CNIH3: variants seen among roughly 807,000 people sequenced by gnomAD.
CNIH3 encodes the protein protein cornichon homolog 3.
CNIH3 carries 14 observed loss-of-function variants against 24.1 expected under a neutral mutation model. That is an observed-to-expected ratio of 0.58 (90% confidence interval 0.38 to 0.91). The LOEUF is 0.91. CNIH3 is among the 40% of genes least tolerant of loss of function. The pLI is 0.00. For synonymous variants in CNIH3, 68 were observed against 73.8 expected (o/e 0.92, Z 0.40); for missense variants, 178 against 196.8 (o/e 0.90, Z 0.57).
At chr1:224,682,523 G>T (rs1386358755) in intron 2 of CNIH3, among the ~76,000 whole-genome samples, 1 of 152,194 alleles carries the variant, frequency 6.6e-6, no homozygotes, top group Admixed American at 6.5e-5. Context: ...TAAAGAACCT[G>T]CAAGATCCAC....
intron 1 of CNIH3, among the ~76,000 whole-genome samples, chr1:224,467,661 T>G (rs905143889): frequency 2.6e-5 from 4 of 151,808 alleles, no homozygotes; most frequent in African/African-American, 9.7e-5. Context: ...TGACCTCAGG[T>G]GATCCACTCA....
At chr1:224,670,051 A>T (rs897452437) in intron 1 of CNIH3, among the ~76,000 whole-genome samples, 4 of 152,042 alleles carry the variant, frequency 2.6e-5, no homozygotes, top group African/African-American at 7.3e-5. Context: ...GGTAGAGATT[A>T]TTCTCATTTT....
chr1:224,576,589 T>C (rs1681046669), intron 4 of CNIH3, among the ~76,000 whole-genome samples: 1 of 152,242 alleles, frequency 6.6e-6, no homozygotes, highest in South Asian at 2.1e-4. Flanking sequence ...TTAGTTAACA[T>C]TCAGTGTTTG....
intron 1 of CNIH3, among the ~76,000 whole-genome samples, chr1:224,448,874 C>A (rs950568116): frequency 6.6e-6 from 1 of 152,134 alleles, no homozygotes; most frequent in Non-Finnish European, 1.5e-5. Flanking sequence ...TTTAGAGCTC[C>A]AGAGGCCTCG....
At chr1:224,641,923 G>A (rs1684380188) in intron 1 of CNIH3, among the ~76,000 whole-genome samples, 2 of 152,202 alleles carry the variant, frequency 1.3e-5, no homozygotes, top group African/African-American at 4.8e-5. Flanking sequence ...TGTTCCTCAT[G>A]CATTCAGGGT....
chr1:224,466,856 CT>C (rs1676170452), intron 1 of CNIH3, among the ~76,000 whole-genome samples: 1 of 152,100 alleles, frequency 6.6e-6, no homozygotes, highest in African/African-American at 2.4e-5. Context: ...GGTTGAACAT[CT>C]TTTTATTAGC....
intron 3 of CNIH3, among the ~76,000 whole-genome samples, chr1:224,720,850 G>A (rs890938072): frequency 6.6e-6 from 1 of 152,148 alleles, no homozygotes; most frequent in Non-Finnish European, 1.5e-5. Flanking sequence ...GTGATGGAAC[G>A]GAGATTTTCT....
At chr1:224,509,887 G>C (rs1056949150) in intron 1 of CNIH3, among the ~76,000 whole-genome samples, 1 of 152,204 alleles carries the variant, frequency 6.6e-6, no homozygotes, top group Non-Finnish European at 1.5e-5. Flanking sequence ...TCTCCCAGGG[G>C]CGAGCCCCAG....
chr1:224,695,385 CACACACACA>C (rs1687115974), intron 3 of CNIH3, among the ~76,000 whole-genome samples: 4 of 146,836 alleles, frequency 2.7e-5, no homozygotes, highest in African/African-American at 1.1e-4. Context: ...CACACACACA[CACACACACA>C]CCCCTGTTGG....
intron 2 of CNIH3, among the ~76,000 whole-genome samples, chr1:224,533,811 T>A (rs1679175101): frequency 6.6e-6 from 1 of 152,230 alleles, no homozygotes; most frequent in Non-Finnish European, 1.5e-5. Flanking sequence ...CATTGGCAAG[T>A]TCCCATTTCC....
chr1:224,592,060 A>G (rs907848300), downstream of CNIH3, among the ~76,000 whole-genome samples: 3 of 152,116 alleles, frequency 2.0e-5, no homozygotes, highest in Admixed American at 2.0e-4. Flanking sequence ...TGACACAGGC[A>G]GGACTTTTTT....
At chr1:224,512,129 C>T (rs1306945071), upstream of CNIH3, among the ~76,000 whole-genome samples, 4 of 149,452 alleles carry the variant, frequency 2.7e-5, no homozygotes, top group African/African-American at 5.0e-5. Flanking sequence ...GAGCCGAGAT[C>T]GTGCCATTGC....
At chr1:224,718,326 G>A (rs531812204) in intron 3 of CNIH3, among the ~76,000 whole-genome samples, 8 of 152,272 alleles carry the variant, frequency 5.3e-5, no homozygotes, top group African/African-American at 1.9e-4. Flanking sequence ...TACAGCATGC[G>A]CTAAGCCTCT....
intron 3 of CNIH3, among the ~76,000 whole-genome samples, chr1:224,686,494 T>C (rs1686668842): frequency 6.6e-6 from 1 of 152,264 alleles, no homozygotes; most frequent in Admixed American, 6.5e-5. Flanking sequence ...TATAGCAGCA[T>C]GATTTATAAT....
At chr1:224,634,178 T>A (rs1194335444) in intron 1 of CNIH3, among the ~76,000 whole-genome samples, 1 of 152,244 alleles carries the variant, frequency 6.6e-6, no homozygotes, top group Non-Finnish European at 1.5e-5. Context: ...GTGGCACGTG[T>A]TCGTCCTTCT....
intron 3 of CNIH3, chr1:224,547,056 T>G: frequency 5.0e-6 from 1 of 200,420 alleles, no homozygotes; most frequent in Non-Finnish European, 8.9e-6. Context: ...ACACGCAAGG[T>G]TGTCTCCATG....
At chr1:224,501,531 T>TAC (rs1677670414) in intron 1 of CNIH3, among the ~76,000 whole-genome samples, 2 of 146,548 alleles carry the variant, frequency 1.4e-5, no homozygotes, top group African/African-American at 5.3e-5. Flanking sequence ...ATATATTTTT[T>TAC]TTTTTTAACC....
intron 1 of CNIH3, among the ~76,000 whole-genome samples, chr1:224,460,375 C>T (rs778915480): frequency 1.3e-5 from 2 of 152,208 alleles, no homozygotes; most frequent in Admixed American, 6.5e-5. Flanking sequence ...TTTTCTTAGG[C>T]CTCTTCCCCC....
chr1:224,499,917 AAAAAG>A (rs1454340611), intron 1 of CNIH3, among the ~76,000 whole-genome samples: 1 of 150,632 alleles, frequency 6.6e-6, no homozygotes, highest in Admixed American at 6.6e-5. Flanking sequence ...AAAAAAAAGA[AAAAAG>A]AAAAGAAAAA....
Sources: gnomAD v4.1 joint callset for allele counts (sites outside exome capture counted in the v4.1 genomes callset) on GRCh38, gnomAD v4.1.1 for gene constraint, MANE v1.5 for transcripts, NCBI Gene and HGNC (gene_info 2026-07-23, HGNC 2026-07-21) for gene names.